Variants in TMCO1 observed in about 807,000 individuals in gnomAD.
TMCO1 encodes the protein transmembrane and coiled-coil domains 1, also known as calcium load-activated calcium channel.
Under a neutral mutation model 29.3 loss-of-function variants are expected in TMCO1, and 29 were observed. The ratio of observed to expected loss-of-function variants is 0.99; its 90% CI spans 0.74 to 1.35. The LOEUF (loss-of-function observed/expected upper bound fraction) is 1.35. TMCO1 is among the 40% of genes most tolerant of loss of function. TMCO1 has a pLI of 0.00. For synonymous variants in TMCO1, 80 were observed against 77.1 expected, an observed-to-expected ratio of 1.04 and a Z score of -0.20; for missense variants, 173 against 225.5, an observed-to-expected ratio of 0.77 and a Z score of 1.49.
chr1:165,742,293 CG>C (rs1429990470), intron 6 of TMCO1, among the ~76,000 whole-genome samples: 2 of 151,950 alleles, frequency 1.3e-5, no homozygotes, highest in Non-Finnish European at 2.9e-5. Flanking sequence ...GACAGGGTCC[CG>C]CTCTGCTGCC....
chr1:165,742,184 C>A (rs545781001), intron 6 of TMCO1, among the ~76,000 whole-genome samples: 2 of 152,282 alleles, frequency 1.3e-5, no homozygotes, highest in South Asian at 4.1e-4. Context: ...ACAAAGCCTG[C>A]CGAACGGCAA....
chr1:165,736,589 C>T (rs1053832119), intron 6 of TMCO1, among the ~76,000 whole-genome samples: 2 of 151,904 alleles, frequency 1.3e-5, no homozygotes, highest in African/African-American at 4.8e-5. Context: ...GGCATGGTAG[C>T]GGGTGCCTGT....
chr1:165,726,716 T>C (rs1434122039), downstream of TMCO1: 1 of 454,174 alleles, frequency 2.2e-6, no homozygotes, highest in East Asian at 6.9e-5. Flanking sequence ...CCATTGTTTC[T>C]TGTATGCCAT....
At chr1:165,766,104 A>G (rs1453771227) in intron 2 of TMCO1, among the ~76,000 whole-genome samples, 1 of 152,232 alleles carries the variant, frequency 6.6e-6, no homozygotes, top group Admixed American at 6.5e-5. Flanking sequence ...CAGTATCTGC[A>G]GACAGACTAG....
At chr1:165,724,341 C>A, downstream of TMCO1, 1 of 453,340 alleles carries the variant, frequency 2.2e-6, no homozygotes, top group Non-Finnish European at 4.4e-6. Context: ...TCAAAAGCTG[C>A]TCGCATTACA....
intron 5 of TMCO1, among the ~76,000 whole-genome samples, chr1:165,746,187 T>C (rs1424740355): frequency 6.6e-6 from 1 of 151,558 alleles, no homozygotes; most frequent in Non-Finnish European, 1.5e-5. Flanking sequence ...TGCATGCCTG[T>C]AGTCCCAGCT....
chr1:165,748,135 G>T (rs1340702500), intron 5 of TMCO1, among the ~76,000 whole-genome samples: 2 of 151,118 alleles, frequency 1.3e-5, no homozygotes, highest in African/African-American at 4.9e-5. Context: ...CTTCAGCCTG[G>T]GTGACACAGC....
At chr1:165,760,869 C>A (rs977576613) in intron 2 of TMCO1, among the ~76,000 whole-genome samples, 3 of 152,052 alleles carry the variant, frequency 2.0e-5, no homozygotes, top group Non-Finnish European at 2.9e-5. Flanking sequence ...TCTTTAATCA[C>A]CTGTAAATGG....
At chr1:165,739,396 A>AT (rs5778472) in intron 6 of TMCO1, among the ~76,000 whole-genome samples, 134,922 of 151,216 alleles carry the variant, frequency 0.89, 60,292 homozygotes, top group East Asian at 0.99. Flanking sequence ...TTCCTAAATA[A>AT]TTTTTTTTTG....
chr1:165,755,248 G>A (rs1309145426), intron 3 of TMCO1, among the ~76,000 whole-genome samples: 1 of 152,160 alleles, frequency 6.6e-6, no homozygotes, highest in African/African-American at 2.4e-5. Context: ...TAGCAATGAT[G>A]ACATCCATTC....
intron 2 of TMCO1, among the ~76,000 whole-genome samples, chr1:165,763,424 C>T (rs4657476): frequency 0.89 from 136,078 of 152,192 alleles, 60,948 homozygotes; most frequent in East Asian, 0.99. Context: ...AATAAGTCGA[C>T]TGATCACATA....
At chr1:165,741,385 A>G (rs1651589634) in intron 6 of TMCO1, among the ~76,000 whole-genome samples, 1 of 152,198 alleles carries the variant, frequency 6.6e-6, no homozygotes. Flanking sequence ...CTCCTCTTAT[A>G]GCTAACCTTC....
At chr1:165,756,562 CA>C (rs1652200616) in intron 3 of TMCO1, among the ~76,000 whole-genome samples, 1 of 151,966 alleles carries the variant, frequency 6.6e-6, no homozygotes, top group Admixed American at 6.6e-5. Context: ...GAGGGAAATG[CA>C]AAATAGTCAA....
In TMCO1 at chr1:165,768,700, T is replaced by G. The variant is rs757084156; in HGVS notation, c.52A>C (p.Thr18Pro). 11 of 1,613,960 alleles carry G rather than the reference T, an allele frequency of 6.8e-6. No homozygotes were observed. The highest frequency in any genetic ancestry group is 2.7e-5 in the African/African-American group (2 of 74,876). Residue 18 changes from threonine (T) to proline (P), a missense_variant, in exon 1 of 7, where the codon ACG becomes CCG. Thr to Pro is a conservative substitution (Grantham distance 38, BLOSUM62 -1). Transcript: ENST00000367881. ...TLLIVFISVC[T>P]ALLAEGITWV... ...CTCTCACCCTCTGCGAGCAGAGCCGTGCACACAGAGATAAAAACGATGAGG... is the reference window on the plus strand; with the variant it reads ...CTCTCACCCTCTGCGAGCAGAGCCGGGCACACAGAGATAAAAACGATGAGG...
At position 165,764,014 on chromosome 1, in the gene TMCO1, T is replaced by C. The variant is rs576648228; in HGVS notation, c.148+4178A>G. ...GTAAATAATTAAAGACAAGGCAATA[T>C]TGTAGATACCAGTGAAGCTCAAAAT... On this transcript the variant is annotated intron_variant, in intron 2 of 6. Coordinates refer to ENST00000367881, the MANE Select transcript of TMCO1 (RefSeq NM_019026.6). 2.0e-5 allele frequency among the ~76,000 whole-genome samples: 3 copies of C among 152,350 alleles called. No individual in the cohort carries two copies. The East Asian group carries it at 5.8e-4, about 29-fold the overall frequency.
intron 6 of TMCO1, among the ~76,000 whole-genome samples, chr1:165,738,620 T>C (rs1651475947): frequency 6.6e-6 from 1 of 152,232 alleles, no homozygotes; most frequent in Non-Finnish European, 1.5e-5. Context: ...AGACTGGATA[T>C]ATTAATATGT....
chr1:165,744,140 T>C (rs1651704842), intron 5 of TMCO1, among the ~76,000 whole-genome samples: 1 of 152,076 alleles, frequency 6.6e-6, no homozygotes, highest in Non-Finnish European at 1.5e-5. Context: ...GAATAGAAGC[T>C]TGTTATAAGG....
At chr1:165,763,047 T>C (rs902061376) in intron 2 of TMCO1, among the ~76,000 whole-genome samples, 2 of 152,178 alleles carry the variant, frequency 1.3e-5, no homozygotes, top group African/African-American at 4.8e-5. Flanking sequence ...AGCAGCTCAG[T>C]AGGACTGCTT....
At chr1:165,752,954 G>T (rs79211886) in intron 4 of TMCO1, among the ~76,000 whole-genome samples, 4,020 of 152,196 alleles carry the variant, frequency 0.026, 78 homozygotes, top group Middle Eastern at 0.044. Context: ...CTGGCAAAAG[G>T]TCTCTCAGTA....
Sources: allele counts gnomAD v4.1 joint callset (sites outside exome capture counted in the v4.1 genomes callset), GRCh38; gene constraint gnomAD v4.1.1; transcripts MANE v1.5; gene names NCBI Gene and HGNC (gene_info 2026-07-23, HGNC 2026-07-21).